KCNIP3: variants seen among roughly 807,000 people sequenced by gnomAD.
The protein encoded by KCNIP3 is calsenilin.
KCNIP3 carries 28 observed loss-of-function variants against 35.0 expected under a neutral mutation model. The ratio of observed to expected loss-of-function variants is 0.80; its 90% CI spans 0.59 to 1.10. The LOEUF (loss-of-function observed/expected upper bound fraction) is 1.10, where lower values mean the gene tolerates loss of function less well. KCNIP3 is among the 50% of genes least tolerant of loss of function. KCNIP3 has a pLI of 0.00. For missense variants in KCNIP3, 295 were observed against 338.4 expected, an observed-to-expected ratio of 0.87 and a Z score of 1.01; for synonymous variants, 134 against 133.8, an observed-to-expected ratio of 1.00 and a Z score of -0.01.
At chr2:95,337,679 A>G (rs879928706) in intron 2 of KCNIP3, among the ~76,000 whole-genome samples, 7 of 152,190 alleles carry the variant, frequency 4.6e-5, no homozygotes, top group Non-Finnish European at 1.0e-4. Flanking sequence ...AGTTGCAGAC[A>G]TTGAGTGATG....
chr2:95,332,929 C>T (rs1346953204), intron 2 of KCNIP3, among the ~76,000 whole-genome samples: 1 of 152,120 alleles, frequency 6.6e-6, no homozygotes, highest in East Asian at 1.9e-4. Context: ...GGGGGTCTTC[C>T]AGACTTAGGG....
At chr2:95,379,727 G>A (rs1358522247) in intron 5 of KCNIP3, among the ~76,000 whole-genome samples, 4 of 152,204 alleles carry the variant, frequency 2.6e-5, no homozygotes, top group Admixed American at 6.5e-5. Context: ...GGGTCGCTTC[G>A]TTCCCTGGGC....
intron 2 of KCNIP3, among the ~76,000 whole-genome samples, chr2:95,325,964 C>G (rs1558763891): frequency 6.6e-6 from 1 of 150,806 alleles, no homozygotes; most frequent in African/African-American, 2.4e-5. Flanking sequence ...TACACACACT[C>G]ATAGGCACAC....
intron 1 of KCNIP3, among the ~76,000 whole-genome samples, chr2:95,299,885 G>A (rs1409654774): frequency 3.3e-5 from 5 of 152,194 alleles, no homozygotes; most frequent in East Asian, 1.9e-4. Flanking sequence ...GGGTACCAAC[G>A]CCCATCTAGG....
chr2:95,374,988 A>G (rs1225231875), intron 4 of KCNIP3, 71 bp downstream of exon 4: 5 of 1,556,290 alleles, frequency 3.2e-6, no homozygotes, highest in Non-Finnish European at 3.5e-6. Context: ...TGCCCCTTGC[A>G]TCCTGGAGGC....
chr2:95,330,183 T>C (rs529037138), intron 2 of KCNIP3, among the ~76,000 whole-genome samples: 1 of 152,230 alleles, frequency 6.6e-6, no homozygotes, highest in African/African-American at 2.4e-5. Context: ...CCTGAAGTGA[T>C]ACTGGGCAGG....
At position 95,382,062 on chromosome 2, in the gene KCNIP3, T is replaced by C. The variant is rs1680361435; in HGVS notation, c.556-315T>C. On this transcript the variant is annotated intron_variant, in intron 6 of 8. Coordinates refer to ENST00000295225, the MANE Select transcript of KCNIP3 (RefSeq NM_013434.5). The surrounding 1 kb of genome is among the most constrained non-coding windows in gnomAD (Gnocchi z 4.5). ...GCAGTGCGGTCCCTTAAGGCATGGG[T>C]GGAGAGGGGAGCCCTCGCACATGGG... is the stretch of plus-strand genomic sequence containing the variant. Among the ~76,000 whole-genome samples, 1 of 152,150 alleles carries C rather than the reference T, an allele frequency of 6.6e-6. No homozygotes were observed.
chr2:95,359,473 C>G (rs1679737895), intron 2 of KCNIP3, among the ~76,000 whole-genome samples: 1 of 152,212 alleles, frequency 6.6e-6, no homozygotes, highest in Non-Finnish European at 1.5e-5. Context: ...ACACTGGGGC[C>G]CTGGGCACCC....
At chr2:95,383,884 TA>T in intron 8 of KCNIP3, 117 bp from the exon 9 acceptor site, 1 of 881,990 alleles carries the variant, frequency 1.1e-6, no homozygotes, top group Non-Finnish European at 1.9e-6. Context: ...CTGCACCCAA[TA>T]AGACAGACAG....
chr2:95,346,312 G>C (rs1679357359), intron 2 of KCNIP3, among the ~76,000 whole-genome samples: 1 of 151,308 alleles, frequency 6.6e-6, no homozygotes, highest in Non-Finnish European at 1.5e-5. Flanking sequence ...CCCTCCTCTC[G>C]GGCTCCCGGC....
At chr2:95,323,643 C>T (rs1208922866) in intron 2 of KCNIP3, among the ~76,000 whole-genome samples, 1 of 152,206 alleles carries the variant, frequency 6.6e-6, no homozygotes, top group Non-Finnish European at 1.5e-5. Flanking sequence ...TCTGTTCCCA[C>T]CCCGTCACAA....
At chr2:95,331,989 G>A (rs1678943370) in intron 2 of KCNIP3, among the ~76,000 whole-genome samples, 1 of 152,256 alleles carries the variant, frequency 6.6e-6, no homozygotes, top group Admixed American at 6.5e-5. Flanking sequence ...GACACGGTGT[G>A]AGCGGACTTT....
intron 2 of KCNIP3, among the ~76,000 whole-genome samples, chr2:95,315,343 GCAAATGC>G (rs1425260700): frequency 6.6e-6 from 1 of 152,160 alleles, no homozygotes; most frequent in Non-Finnish European, 1.5e-5. Context: ...TCGTTCTCAA[GCAAATGC>G]CAGAGGAGCC....
chr2:95,319,507 G>A (rs1678536320), intron 2 of KCNIP3, among the ~76,000 whole-genome samples: 2 of 152,190 alleles, frequency 1.3e-5, no homozygotes, highest in Non-Finnish European at 2.9e-5. Flanking sequence ...AGGGGGAGAG[G>A]AATGTACCTG....
At chr2:95,302,590 C>T (rs991021576) in intron 1 of KCNIP3, among the ~76,000 whole-genome samples, 11 of 152,346 alleles carry the variant, frequency 7.2e-5, no homozygotes, top group African/African-American at 1.2e-4. Flanking sequence ...CACTGACTCT[C>T]CCCCACTGGG....
chr2:95,362,551 A>G (rs1273692900), intron 2 of KCNIP3, among the ~76,000 whole-genome samples: 5 of 152,240 alleles, frequency 3.3e-5, no homozygotes, highest in Admixed American at 3.3e-4. Context: ...AGTTGAGGGG[A>G]CACAGTTCAA....
chr2:95,346,295 C>A (rs1440981700), intron 2 of KCNIP3, among the ~76,000 whole-genome samples: 1 of 151,688 alleles, frequency 6.6e-6, no homozygotes, highest in Non-Finnish European at 1.5e-5. Flanking sequence ...AGAGCGCAGC[C>A]GCCGCCCCCT....
chr2:95,332,933 C>G (rs1678969107), intron 2 of KCNIP3, among the ~76,000 whole-genome samples: 1 of 152,180 alleles, frequency 6.6e-6, no homozygotes, highest in Admixed American at 6.5e-5. Flanking sequence ...GTCTTCCAGA[C>G]TTAGGGACAA....
At chr2:95,319,822 T>C (rs1339581254) in intron 2 of KCNIP3, among the ~76,000 whole-genome samples, 1 of 152,230 alleles carries the variant, frequency 6.6e-6, no homozygotes, top group Non-Finnish European at 1.5e-5. Context: ...GCCGTCTGTC[T>C]CAGTCCATGT....
Sources: gnomAD v4.1 joint callset for allele counts (sites outside exome capture counted in the v4.1 genomes callset) on GRCh38, gnomAD v4.1.1 for gene constraint, Gnocchi (gnomAD v3.1) non-coding constraint, MANE v1.5 for transcripts, NCBI Gene and HGNC (gene_info 2026-07-23, HGNC 2026-07-21) for gene names.